The following SAMSN1 variants were observed in gnomAD, a reference collection of about 807,000 sequenced individuals.
The protein encoded by SAMSN1 is SAM domain-containing protein SAMSN-1.
SAMSN1 carries 31 observed loss-of-function variants against 42.0 expected under a neutral mutation model. That is an observed-to-expected ratio of 0.74 (90% CI 0.55 to 1.00). The LOEUF (loss-of-function observed/expected upper bound fraction) is 1.00. Ranked by LOEUF, SAMSN1 falls within the 50% of genes least tolerant of loss-of-function variation. The pLI, the probability that SAMSN1 is intolerant of heterozygous loss-of-function variation, is 0.00. For synonymous variants in SAMSN1, 178 were observed against 151.9 expected (o/e 1.17, Z -1.26); for missense variants, 464 against 439.4 (o/e 1.06, Z -0.50).
chr21:14,635,822 TTTATTA>T, intron 2 of SAMSN1, among the ~76,000 whole-genome samples: 1 of 151,240 alleles, frequency 6.6e-6, no homozygotes, highest in East Asian at 1.9e-4. Flanking sequence ...AGAGACAGAA[TTTATTA>T]TTATTATTAT....
chr21:14,597,656 G>A (rs1982310209), intron 6 of SAMSN1, among the ~76,000 whole-genome samples: 2 of 152,298 alleles, frequency 1.3e-5, no homozygotes, highest in African/African-American at 2.4e-5. Flanking sequence ...ACCAACAGTG[G>A]TGGCTTAAAC....
At chr21:14,630,981 C>T (rs1298028942) in intron 2 of SAMSN1, among the ~76,000 whole-genome samples, 3 of 152,190 alleles carry the variant, frequency 2.0e-5, no homozygotes, top group East Asian at 1.9e-4. Context: ...TTCTCCATTA[C>T]TCACCTATTC....
chr21:14,629,603 G>A (rs1350533186), intron 2 of SAMSN1, among the ~76,000 whole-genome samples: 1 of 152,200 alleles, frequency 6.6e-6, no homozygotes, highest in Non-Finnish European at 1.5e-5. Flanking sequence ...TTCTCTAAGA[G>A]GGTGGTGTAC....
chr21:14,522,880 G>T (rs1334109474), intron 1 of SAMSN1, among the ~76,000 whole-genome samples: 1 of 152,186 alleles, frequency 6.6e-6, no homozygotes, highest in Non-Finnish European at 1.5e-5. Flanking sequence ...ACAGGGTGCT[G>T]CTCCAACGCA....
intron 2 of SAMSN1, among the ~76,000 whole-genome samples, chr21:14,625,081 T>G (rs1416248924): frequency 2.6e-5 from 4 of 152,130 alleles, no homozygotes; most frequent in Non-Finnish European, 1.5e-5. Flanking sequence ...TCAACTGCCC[T>G]TCATGCTAAA....
At chr21:14,561,072 T>A (rs978526076) in intron 2 of SAMSN1, among the ~76,000 whole-genome samples, 1 of 152,172 alleles carries the variant, frequency 6.6e-6, no homozygotes, top group Non-Finnish European at 1.5e-5. Flanking sequence ...GGTTACAATA[T>A]TTGTGACTTT....
intron 7 of SAMSN1, among the ~76,000 whole-genome samples, chr21:14,493,671 T>A (rs925598394): frequency 3.3e-5 from 5 of 152,094 alleles, no homozygotes; most frequent in Non-Finnish European, 7.4e-5. Flanking sequence ...ATGAAACATT[T>A]TTAAATTCAG....
At chr21:14,599,942 A>G (rs1982385025) in intron 6 of SAMSN1, among the ~76,000 whole-genome samples, 1 of 152,132 alleles carries the variant, frequency 6.6e-6, no homozygotes, top group Non-Finnish European at 1.5e-5. Flanking sequence ...ACTCTCTTGA[A>G]TTCAAGAGTT....
chr21:14,589,060 T>A (rs1982007339), intron 7 of SAMSN1, among the ~76,000 whole-genome samples: 2 of 152,146 alleles, frequency 1.3e-5, no homozygotes, highest in African/African-American at 2.4e-5. Flanking sequence ...CCTTAAGTAA[T>A]ACAAAAATTT....
At chr21:14,523,244 A>G (rs1978609106) in intron 1 of SAMSN1, 1 of 152,100 alleles carries the variant, frequency 6.6e-6, no homozygotes, top group Admixed American at 6.5e-5. Context: ...TTCCCTTTTA[A>G]AAGAACTGAA....
chr21:14,642,930 G>A (rs1983628696), intron 2 of SAMSN1: 3 of 678,552 alleles, frequency 4.4e-6, no homozygotes, highest in Admixed American at 4.5e-5. Flanking sequence ...GTATTAATAA[G>A]TATCATTAGG....
chr21:14,651,066 C>T (rs1442742083), intron 1 of SAMSN1, among the ~76,000 whole-genome samples: 1 of 151,980 alleles, frequency 6.6e-6, no homozygotes, highest in Non-Finnish European at 1.5e-5. Context: ...AAGCCCAGAA[C>T]CTGACAGCTT....
At chr21:14,548,091 G>C (rs1361409584), upstream of SAMSN1, among the ~76,000 whole-genome samples, 1 of 152,066 alleles carries the variant, frequency 6.6e-6, no homozygotes, top group African/African-American at 2.4e-5. Context: ...CATCTCTTAA[G>C]AAATTGAAAG....
At position 14,498,548 on chromosome 21, in the gene SAMSN1, T is replaced by C; in HGVS notation, c.813A>G (p.Glu271=). Reference sequence around the variant, plus strand: ...GACTCTCTTTTATATCTTTTAAATCTTCTAGAGTCTCATAACCATTGAGCA... The same window carrying C: ...GACTCTCTTTTATATCTTTTAAATCCTCTAGAGTCTCATAACCATTGAGCA... ...TLLLNGYETL[E]DLKDIKESHL... is the part of the protein sequence containing the mutation. Residue 271 remains glutamate (E), a synonymous_variant, in exon 7 of 8, where the codon GAA becomes GAG. Coordinates refer to ENST00000400566, the MANE Select transcript of SAMSN1 (RefSeq NM_022136.5). 6.2e-7 allele frequency: 1 copy of C among 1,609,744 alleles called. No individual in the cohort carries two copies. Among genetic ancestry groups the C allele is most frequent in the South Asian group, 1.1e-5 (1 of 90,252 alleles).
intron 1 of SAMSN1, among the ~76,000 whole-genome samples, chr21:14,650,267 C>G (rs917859735): frequency 6.6e-6 from 1 of 152,068 alleles, no homozygotes; most frequent in Admixed American, 6.6e-5. Flanking sequence ...GTGGATCATT[C>G]TCAAGAATAC....
chr21:14,530,695 TA>T (rs1979213304), intron 1 of SAMSN1, among the ~76,000 whole-genome samples: 1 of 152,234 alleles, frequency 6.6e-6, no homozygotes, highest in African/African-American at 2.4e-5. Flanking sequence ...AGAAGCGTTC[TA>T]AAGCCATTTT....
intron 7 of SAMSN1, 105 bp from the exon 8 acceptor site, chr21:14,486,219 G>A: frequency 1.3e-6 from 1 of 753,586 alleles, no homozygotes; most frequent in South Asian, 1.7e-5. Context: ...TTCTAACCAT[G>A]ACTTCATTAC....
At chr21:14,643,549 G>A (rs1983645976) in intron 1 of SAMSN1, among the ~76,000 whole-genome samples, 2 of 152,188 alleles carry the variant, frequency 1.3e-5, no homozygotes, top group Non-Finnish European at 1.5e-5. Context: ...AAGAAATACA[G>A]TCTGCTCTAC....
upstream of SAMSN1, among the ~76,000 whole-genome samples, chr21:14,547,309 G>C (rs867445497): frequency 3.9e-5 from 6 of 152,104 alleles, no homozygotes; most frequent in South Asian, 2.1e-4. Context: ...CTGGTGATGA[G>C]CCAATGGATC....
Sources: allele counts gnomAD v4.1 joint callset (sites outside exome capture counted in the v4.1 genomes callset), GRCh38; gene constraint gnomAD v4.1.1; transcripts MANE v1.5; gene names NCBI Gene and HGNC (gene_info 2026-07-23, HGNC 2026-07-21).